Variants in GRM7 observed in about 807,000 individuals in gnomAD.
The protein encoded by GRM7 is metabotropic glutamate receptor 7.
Under a neutral mutation model 84.5 loss-of-function variants are expected in GRM7, and 35 were observed. The observed-to-expected ratio is 0.41, with a 90% confidence interval of 0.32 to 0.55. The LOEUF is 0.55. Among genes scored for constraint, GRM7 ranks in the 20% least tolerant of loss-of-function variants. GRM7 has a pLI of 0.19. For synonymous variants in GRM7, 487 were observed against 455.1 expected (o/e 1.07, Z -0.89); for missense variants, 1,003 against 1,194.6 (o/e 0.84, Z 2.36).
Position 7,347,433 on chromosome 3 carries a change from G to A in GRM7, c.1033+40781G>A, listed in dbSNP as rs544378146. 2.0e-5 allele frequency among the ~76,000 whole-genome samples: 3 copies of A among 152,284 alleles called. No individual in the cohort carries two copies. In the East Asian group the frequency reaches 5.8e-4, roughly 29 times the overall value. ...GTGATATTTGCAGATATGCCAATAA[G>A]ATTTTCATGAGAGTGAGCCAGTTTA... On this transcript the variant is annotated intron_variant, in intron 4 of 9. Coordinates refer to ENST00000357716, the MANE Select transcript of GRM7 (RefSeq NM_000844.4).
At chr3:7,352,053 CACACCACACACACACA>C (rs1559258747) in intron 4 of GRM7, among the ~76,000 whole-genome samples, 1 of 110,398 alleles carries the variant, frequency 9.1e-6, no homozygotes, top group Non-Finnish European at 1.8e-5. Flanking sequence ...CACACACACA[CACACCACACACACACA>C]CACACACACA....
At chr3:7,553,734 A>C (rs1693613555) in intron 7 of GRM7, among the ~76,000 whole-genome samples, 1 of 152,166 alleles carries the variant, frequency 6.6e-6, no homozygotes, top group South Asian at 2.1e-4. Flanking sequence ...AGCATGGGGG[A>C]AATCACCCTC....
intron 1 of GRM7, among the ~76,000 whole-genome samples, chr3:7,025,179 C>T (rs1161068140): frequency 6.6e-6 from 1 of 152,162 alleles, no homozygotes; most frequent in African/African-American, 2.4e-5. Flanking sequence ...CATATTATTT[C>T]ACTGAGTCCA....
chr3:7,565,101 A>G (rs560092683), intron 7 of GRM7, among the ~76,000 whole-genome samples: 1 of 152,348 alleles, frequency 6.6e-6, no homozygotes, highest in South Asian at 2.1e-4. Flanking sequence ...CATTATATAC[A>G]TAGATATGCA....
rs372685917 is a variant in GRM7, at chr3:7,368,771, T to C, written c.1034-46252T>C. On this transcript the variant is annotated intron_variant, in intron 4 of 9. Transcript: ENST00000357716. ...AACTGTTCTTGGTATAGTAGTCCCT[T>C]AATCTCCTAGCCTATACCATCAGGG... Among the ~76,000 whole-genome samples, 59 of 152,280 alleles carry C rather than the reference T, an allele frequency of 3.9e-4. 1 individual carries two copies. The South Asian group carries it at 9.3e-3, about 24-fold the overall frequency.
intron 8 of GRM7, among the ~76,000 whole-genome samples, chr3:7,642,875 T>C (rs1698426989): frequency 6.6e-6 from 1 of 152,150 alleles, no homozygotes; most frequent in Non-Finnish European, 1.5e-5. Flanking sequence ...GCACTCATTT[T>C]ATAGATCATG....
chr3:7,358,668 G>A (rs1198544343), intron 4 of GRM7, among the ~76,000 whole-genome samples: 2 of 131,164 alleles, frequency 1.5e-5, no homozygotes, highest in East Asian at 3.9e-4. Context: ...AAATAAAACT[G>A]TTTAACTTCC....
chr3:6,933,061 GT>G (rs1481996040), intron 1 of GRM7, among the ~76,000 whole-genome samples: 1 of 151,968 alleles, frequency 6.6e-6, no homozygotes, highest in East Asian at 1.9e-4. Flanking sequence ...AGCCTTTAAT[GT>G]TTTTATAAGT....
intron 8 of GRM7, among the ~76,000 whole-genome samples, chr3:7,677,301 T>G (rs1047268845): frequency 1.4e-5 from 2 of 146,416 alleles, no homozygotes; most frequent in African/African-American, 5.1e-5. Context: ...AAAACTTACA[T>G]ATTACTTATT....
intron 4 of GRM7, among the ~76,000 whole-genome samples, chr3:7,408,559 A>G (rs1033604773): frequency 1.3e-5 from 2 of 152,146 alleles, no homozygotes; most frequent in African/African-American, 2.4e-5. Flanking sequence ...GCCGATTTAC[A>G]TGTCTTTAAC....
chr3:7,693,164 C>T (rs1700873752), intron 9 of GRM7, among the ~76,000 whole-genome samples: 1 of 152,072 alleles, frequency 6.6e-6, no homozygotes, highest in South Asian at 2.1e-4. Flanking sequence ...TATTTGACAT[C>T]TACTGGTCAT....
intron 1 of GRM7, among the ~76,000 whole-genome samples, chr3:6,935,376 A>G (rs1377912594): frequency 6.6e-6 from 1 of 151,772 alleles, no homozygotes; most frequent in Non-Finnish European, 1.5e-5. Flanking sequence ...AAGGAAGTCT[A>G]TGTATTAACA....
intron 8 of GRM7, among the ~76,000 whole-genome samples, chr3:7,593,837 CTG>C (rs1217597491): frequency 6.6e-6 from 1 of 151,930 alleles, no homozygotes; most frequent in Non-Finnish European, 1.5e-5. Context: ...AAGAAGAAAA[CTG>C]TGGAGAAGCA....
Position 7,636,220 on chromosome 3 carries a change from C to A in GRM7, c.2452-43829C>A, listed in dbSNP as rs1206612008. On this transcript the variant is annotated intron_variant, in intron 8 of 9. Coordinates refer to ENST00000357716, the MANE Select transcript of GRM7 (RefSeq NM_000844.4). ...CAAGATTTAACTTGAGCCTCAATTT[C>A]TTTGTAATGTCTTCTCTTACCCCAC... 4 of 456,554 alleles carry A rather than the reference C, an allele frequency of 8.8e-6. No individual in the cohort carries two copies. The Admixed American group carries it at 9.4e-5, about 11-fold the overall frequency. The allele number at this position is 456,554 out of a possible 1,614,324, so 28.3% of individuals were successfully genotyped here. A position where few individuals can be genotyped will look rare whatever the true frequency, so the allele number is the denominator to read the frequency against.
chr3:7,308,521 A>G (rs1700276566), intron 4 of GRM7, among the ~76,000 whole-genome samples: 1 of 152,218 alleles, frequency 6.6e-6, no homozygotes, highest in Non-Finnish European at 1.5e-5. Flanking sequence ...CGCAGATCAT[A>G]TAAGGACATG....
chr3:7,290,031 TAA>T (rs967044652), intron 2 of GRM7, among the ~76,000 whole-genome samples: 5 of 151,830 alleles, frequency 3.3e-5, no homozygotes, highest in Non-Finnish European at 7.4e-5. Context: ...AAAATAAAAA[TAA>T]AAAAAGAAAA....
At chr3:7,468,649 C>T (rs1645148585) in intron 7 of GRM7, among the ~76,000 whole-genome samples, 1 of 152,112 alleles carries the variant, frequency 6.6e-6, no homozygotes, top group Admixed American at 6.5e-5. Flanking sequence ...ATTATAATCC[C>T]CATGTGTTGA....
chr3:7,634,822 A>G lies in GRM7; in HGVS notation c.2452-45227A>G, dbSNP rs538987882. 5.3e-5 allele frequency among the ~76,000 whole-genome samples: 8 copies of G among 152,234 alleles called. No individual in the cohort carries two copies. In the East Asian group the frequency reaches 1.2e-3, roughly 22 times the overall value. On this transcript the variant is annotated intron_variant, in intron 8 of 9. Transcript: ENST00000357716. ...AAAAAAAAAAGAAAAAGAAAAAGAA[A>G]AAAGAAATCCGCAGATCTTTCAAGG... is the stretch of plus-strand genomic sequence containing the variant.
At chr3:7,572,803 CAGAGTG>C (rs1308669023) in intron 7 of GRM7, among the ~76,000 whole-genome samples, 1 of 119,590 alleles carries the variant, frequency 8.4e-6, no homozygotes, top group East Asian at 2.6e-4. Context: ...GCCTGGGCGA[CAGAGTG>C]AGACTCTATC....
Sources: allele counts gnomAD v4.1 joint callset (sites outside exome capture counted in the v4.1 genomes callset), GRCh38; gene constraint gnomAD v4.1.1; transcripts MANE v1.5; gene names NCBI Gene and HGNC (gene_info 2026-07-23, HGNC 2026-07-21).